Variants in SOX6 observed in about 807,000 individuals in gnomAD.
SOX6 encodes the protein SRY-box transcription factor 6, also known as transcription factor SOX-6.
SOX6 carries 11 observed loss-of-function variants against 97.8 expected under a neutral mutation model. That is an observed-to-expected ratio of 0.11 (90% CI 0.07 to 0.19). The LOEUF (loss-of-function observed/expected upper bound fraction) is 0.19. Ranked by LOEUF, SOX6 falls within the 10% of genes least tolerant of loss-of-function variation. The pLI is 1.00. For missense variants in SOX6, 810 were observed against 1,039.5 expected (o/e 0.78, Z 3.04); for synonymous variants, 360 against 371.4 (o/e 0.97, Z 0.35).
chr11:16,026,796 A>G (rs1855227231), intron 12 of SOX6, among the ~76,000 whole-genome samples: 2 of 152,204 alleles, frequency 1.3e-5, no homozygotes, highest in Non-Finnish European at 2.9e-5. Context: ...ATGAAGTAAA[A>G]TTAAAATTTA....
chr11:16,647,385 C>G (rs971873640), intron 3 of SOX6, among the ~76,000 whole-genome samples: 2 of 152,012 alleles, frequency 1.3e-5, no homozygotes, highest in Non-Finnish European at 2.9e-5. Context: ...ATAAATATTA[C>G]AAAAATATCT....
intron 3 of SOX6, among the ~76,000 whole-genome samples, chr11:16,292,744 G>A (rs901334952): frequency 6.6e-6 from 1 of 152,146 alleles, no homozygotes; most frequent in Non-Finnish European, 1.5e-5. Context: ...TACCCGACAA[G>A]GTCATCGCTA....
intron 6 of SOX6, among the ~76,000 whole-genome samples, chr11:16,156,965 AT>A (rs1195071277): frequency 6.6e-6 from 1 of 151,804 alleles, no homozygotes; most frequent in African/African-American, 2.4e-5. Context: ...AACTTTGTCC[AT>A]TTTGTTCCTT....
intron 6 of SOX6, among the ~76,000 whole-genome samples, chr11:16,123,820 A>C (rs1023355278): frequency 2.0e-5 from 3 of 152,098 alleles, no homozygotes; most frequent in African/African-American, 7.2e-5. Context: ...TTTTCATAAT[A>C]AATAACTTAG....
intron 4 of SOX6, among the ~76,000 whole-genome samples, chr11:16,200,553 T>A (rs1050332498): frequency 1.3e-5 from 2 of 152,166 alleles, no homozygotes; most frequent in African/African-American, 4.8e-5. Context: ...CTATAGAATA[T>A]CTCTTAATCT....
intron 3 of SOX6, among the ~76,000 whole-genome samples, chr11:16,666,129 A>C (rs1470878538): frequency 6.6e-6 from 1 of 152,222 alleles, no homozygotes; most frequent in East Asian, 1.9e-4. Flanking sequence ...ATGAATACTT[A>C]ACTCCTCAGT....
intron 6 of SOX6, among the ~76,000 whole-genome samples, chr11:16,125,701 A>C (rs1338954453): frequency 1.3e-5 from 2 of 152,104 alleles, no homozygotes; most frequent in East Asian, 3.9e-4. Context: ...ATACAAACTC[A>C]AGCCCAAAGA....
chr11:16,731,345 C>G (rs954359288), intron 2 of SOX6, among the ~76,000 whole-genome samples: 2 of 152,176 alleles, frequency 1.3e-5, no homozygotes, highest in Non-Finnish European at 2.9e-5. Flanking sequence ...TGAAAATCCT[C>G]AATAAAATAC....
rs537593744 is a variant in SOX6, at chr11:16,193,172, G to C, written c.536-6217C>G. ...AAGAGAGAAAATGAGTACGAGAACA[G>C]CTAAATTAAATTTTGTGCATTTCTC... On this transcript the variant is annotated intron_variant, in intron 4 of 15. Coordinates refer to ENST00000683767, the MANE Select transcript of SOX6 (RefSeq NM_001367873.1). 2.6e-5 allele frequency among the ~76,000 whole-genome samples: 4 copies of C among 152,230 alleles called. No homozygotes were observed. In the South Asian group the frequency reaches 8.3e-4, roughly 32 times the overall value.
At chr11:16,115,772 G>A (rs1255444669) in intron 6 of SOX6, among the ~76,000 whole-genome samples, 1 of 152,164 alleles carries the variant, frequency 6.6e-6, no homozygotes, top group African/African-American at 2.4e-5. Context: ...ATCACTGGTT[G>A]CACTGTTTTG....
chr11:16,400,756 G>A (rs576481535), intron 1 of SOX6, among the ~76,000 whole-genome samples: 1 of 151,392 alleles, frequency 6.6e-6, no homozygotes, highest in Non-Finnish European at 1.5e-5. Context: ...AAACAAGCTA[G>A]ACATGTTCTT....
chr11:16,121,934 T>C (rs185924436), intron 6 of SOX6, among the ~76,000 whole-genome samples: 2 of 152,136 alleles, frequency 1.3e-5, no homozygotes, highest in Non-Finnish European at 2.9e-5. Context: ...TAAATATTAT[T>C]GTTAAGGTCT....
At chr11:16,244,234 T>C (rs950602799) in intron 3 of SOX6, among the ~76,000 whole-genome samples, 1 of 151,910 alleles carries the variant, frequency 6.6e-6, no homozygotes, top group African/African-American at 2.4e-5. Flanking sequence ...GGTATTTTAA[T>C]GTAGTTTTAT....
chr11:16,364,601 T>C (rs1198196360), intron 1 of SOX6, among the ~76,000 whole-genome samples: 1 of 152,148 alleles, frequency 6.6e-6, no homozygotes, highest in African/African-American at 2.4e-5. Flanking sequence ...TAATAATATT[T>C]ACCCTGATTA....
At chr11:16,107,590 T>A (rs1043829291) in intron 7 of SOX6, among the ~76,000 whole-genome samples, 1 of 151,164 alleles carries the variant, frequency 6.6e-6, no homozygotes, top group Admixed American at 6.6e-5. Flanking sequence ...AATAAGCAAA[T>A]GCATAGAGAA....
chr11:16,720,092 C>A lies in SOX6; in HGVS notation n.354-5187G>T, dbSNP rs1297231467. On this transcript the variant is annotated intron_variant and non_coding_transcript_variant, in intron 2 of 5. Coordinates refer to the SOX6 transcript ENST00000524520. ...ATGCAAATCAATAAATGTAATCCAG[C>A]ATATAAACAGAACCAAAGCAACCAC... Among the ~76,000 whole-genome samples the A allele has an allele frequency of 3.9e-5, 6 of 152,264 alleles. No individual in the cohort carries two copies. In the East Asian group the frequency reaches 9.7e-4, roughly 25 times the overall value.
chr11:16,491,893 G>A (rs1022995747), intron 4 of SOX6, among the ~76,000 whole-genome samples: 15 of 151,990 alleles, frequency 9.9e-5, no homozygotes, highest in Admixed American at 4.6e-4. Flanking sequence ...TAGAGATTCC[G>A]AACCTGCGAT....
intron 1 of SOX6, among the ~76,000 whole-genome samples, chr11:16,381,355 GCA>G (rs140189391): frequency 0.018 from 2,786 of 152,062 alleles, 33 homozygotes; most frequent in Non-Finnish European, 0.03. Context: ...TCACCCAGTT[GCA>G]CTTCTGCACA....
At position 16,168,882 on chromosome 11, in the gene SOX6, C is replaced by T. The variant is rs575661961; in HGVS notation, c.777+15004G>A. The stretch of plus-strand genomic sequence containing the variant: ...TGATAATGAGATGTAACCAAGTTAT[C>T]GGTCAGCTGTCCATCATTACAAATC... On this transcript the variant is annotated intron_variant, in intron 6 of 15. Transcript: ENST00000683767. 4.6e-5 allele frequency among the ~76,000 whole-genome samples: 7 copies of T among 152,238 alleles called. No homozygotes were observed. In the East Asian group the frequency reaches 1.2e-3, roughly 25 times the overall value.
Sources: gnomAD v4.1 joint callset for allele counts (sites outside exome capture counted in the v4.1 genomes callset) on GRCh38, gnomAD v4.1.1 for gene constraint, MANE v1.5 for transcripts, NCBI Gene and HGNC (gene_info 2026-07-23, HGNC 2026-07-21) for gene names.